The following CNTNAP3 variants were observed in gnomAD, a reference collection of about 807,000 sequenced individuals.
CNTNAP3 encodes the protein contactin-associated protein-like 3.
CNTNAP3 carries 36 observed loss-of-function variants against 92.1 expected under a neutral mutation model. That is an observed-to-expected ratio of 0.39 (90% CI 0.30 to 0.52). The LOEUF (loss-of-function observed/expected upper bound fraction) is 0.52. CNTNAP3 is among the 20% of genes least tolerant of loss of function. The pLI is 0.76. For missense variants in CNTNAP3, 534 were observed against 1,069.6 expected (o/e 0.50, Z 6.98); for synonymous variants, 232 against 422.3 (o/e 0.55, Z 5.53).
chr9:39,145,895 C>T (rs551923141), intron 10 of CNTNAP3, among the ~76,000 whole-genome samples: 2 of 142,394 alleles, frequency 1.4e-5, no homozygotes, highest in Non-Finnish European at 3.1e-5. Flanking sequence ...TGTTCCTCTT[C>T]CCCCACATCC....
chr9:39,107,159 A>G (rs1213424537), intron 15 of CNTNAP3, among the ~76,000 whole-genome samples: 5 of 152,068 alleles, frequency 3.3e-5, no homozygotes, highest in Non-Finnish European at 2.9e-5. Context: ...GTGTAGACTT[A>G]CACTACAAGT....
At chr9:39,096,264 T>G (rs1826323386) in intron 18 of CNTNAP3, among the ~76,000 whole-genome samples, 1 of 137,912 alleles carries the variant, frequency 7.3e-6, no homozygotes, top group Non-Finnish European at 1.6e-5. Flanking sequence ...TAGTGCTATT[T>G]GTTTTTTGTG....
At chr9:39,129,083 T>G (rs1444813420) in intron 13 of CNTNAP3, among the ~76,000 whole-genome samples, 1 of 152,202 alleles carries the variant, frequency 6.6e-6, no homozygotes, top group African/African-American at 2.4e-5. Context: ...ATTGAGCTAT[T>G]ATGTTTAATG....
Position 39,149,920 on chromosome 9 carries a change from C to T in CNTNAP3, c.1535G>A (p.Gly512Asp). ...ACCAATGGTGATGAGCCTTAGGCAG[C>T]CCTGAAACCCTCCCAGGGGGCTTTT... is the stretch of plus-strand genomic sequence containing the variant. ...GCKSPLGGFQ[G>D]CLRLITIGDK... Residue 512 changes from glycine to aspartate, a missense_variant, in exon 10 of 24, where the codon GGC (glycine) becomes GAC (aspartate). Physicochemically the swap from Gly to Asp is moderately conservative, Grantham distance 94. Transcript: ENST00000297668. 2 of 1,611,426 alleles carry T rather than the reference C, an allele frequency of 1.2e-6. No individual in the cohort carries two copies. Among genetic ancestry groups the T allele is most frequent in the Non-Finnish European group, 1.7e-6 (2 of 1,179,646 alleles).
At chr9:39,108,731 T>A (rs1170938912) in intron 15 of CNTNAP3, among the ~76,000 whole-genome samples, 1 of 152,104 alleles carries the variant, frequency 6.6e-6, no homozygotes, top group South Asian at 2.1e-4. Flanking sequence ...AAGAGATTAA[T>A]ACACATTCGG....
chr9:39,094,732 G>A (rs1324397585), intron 18 of CNTNAP3, among the ~76,000 whole-genome samples: 2 of 151,628 alleles, frequency 1.3e-5, no homozygotes, highest in Non-Finnish European at 3.0e-5. Context: ...GTGCCACATT[G>A]TTTTGAATAA....
intron 21 of CNTNAP3, chr9:39,085,324 A>G (rs1407993991): frequency 1.0e-5 from 2 of 193,486 alleles, no homozygotes; most frequent in Non-Finnish European, 2.1e-5. Context: ...CTGCTGTAAT[A>G]AGATTACCAG....
intron 13 of CNTNAP3, among the ~76,000 whole-genome samples, chr9:39,123,284 C>G (rs1039249442): frequency 6.6e-6 from 1 of 151,760 alleles, no homozygotes; most frequent in Non-Finnish European, 1.5e-5. Flanking sequence ...TTAGTAGAGA[C>G]GTGGTTTCCC....
intron 23 of CNTNAP3, among the ~76,000 whole-genome samples, chr9:39,076,764 C>T (rs1174349781): frequency 2.0e-5 from 3 of 152,422 alleles, no homozygotes; most frequent in African/African-American, 7.2e-5. Context: ...GTCAGGAGAT[C>T]GAGACCATTC....
chr9:39,102,760 A>C (rs1386296157), intron 16 of CNTNAP3, 45 bp from the exon 17 acceptor site: 19 of 669,602 alleles, frequency 2.8e-5, no homozygotes, highest in Non-Finnish European at 4.8e-5. Context: ...ATTCACAGAA[A>C]ATTGAGTCTT....
intron 23 of CNTNAP3, among the ~76,000 whole-genome samples, chr9:39,077,753 G>A (rs12378672): frequency 0.18 from 26,596 of 150,694 alleles, 371 homozygotes; most frequent in East Asian, 0.3. Flanking sequence ...TGTCATTACC[G>A]TGACAAATAT....
At chr9:39,140,984 G>A (rs1279419254) in intron 11 of CNTNAP3, among the ~76,000 whole-genome samples, 2 of 152,252 alleles carry the variant, frequency 1.3e-5, no homozygotes, top group Admixed American at 6.5e-5. Flanking sequence ...GTGGGAATGC[G>A]ATACTATCTT....
At position 39,066,570 on chromosome 9, in the gene CNTNAP3, T is replaced by C. The variant is rs1383555924; in HGVS notation, c.*7320A>G. ...GATAATATATTACTTTTAACTTTTCTATGTCTGAAAAATATCTTTGTTTCA... is the reference window on the plus strand; with the variant it reads ...GATAATATATTACTTTTAACTTTTCCATGTCTGAAAAATATCTTTGTTTCA... On this transcript the variant is annotated 3_prime_UTR_variant, in exon 24 of 24. Transcript: ENST00000297668. Among the ~76,000 whole-genome samples, 23 of 152,280 alleles carry C rather than the reference T, an allele frequency of 1.5e-4. No individual in the cohort carries two copies. Among genetic ancestry groups the C allele is most frequent in the Non-Finnish European group, 2.2e-4 (15 of 68,046 alleles).
intron 13 of CNTNAP3, among the ~76,000 whole-genome samples, chr9:39,129,094 T>A (rs2118026597): frequency 6.6e-6 from 1 of 152,300 alleles, no homozygotes; most frequent in African/African-American, 2.4e-5. Context: ...ATGTTTAATG[T>A]CATTCCCATA....
intron 15 of CNTNAP3, among the ~76,000 whole-genome samples, chr9:39,107,952 C>CAT (rs1455234822): frequency 6.6e-6 from 1 of 152,108 alleles, no homozygotes; most frequent in African/African-American, 2.4e-5. Context: ...TGAAGGATAA[C>CAT]ATATCTGTCA....
intron 15 of CNTNAP3, among the ~76,000 whole-genome samples, chr9:39,104,447 G>A (rs1826546103): frequency 6.9e-6 from 1 of 144,064 alleles, no homozygotes; most frequent in Non-Finnish European, 1.5e-5. Context: ...CCAGAACACA[G>A]ACTCTTGCTT....
intron 20 of CNTNAP3, 180 bp from the exon 21 acceptor site, chr9:39,086,003 A>G (rs1472757947): frequency 1.5e-6 from 1 of 682,408 alleles, no homozygotes; most frequent in Non-Finnish European, 2.5e-6. Context: ...TTTATAAGCA[A>G]TTCCTATGAT....
rs762728883 is a variant in CNTNAP3 at position 39,118,117 on chromosome 9, A to C, written c.2223T>G (p.Ala741=). Residue 741 remains alanine, a synonymous_variant, in exon 14 of 24, where the codon GCT becomes GCG. Coordinates refer to ENST00000297668, the MANE Select transcript of CNTNAP3 (RefSeq NM_033655.5). ...GTGGAAATCACCATTCATTCCGGCC[A>C]GCATCACAGTTGCAGTAATACTGAG... ...IDSQYYCNCD[A]GRNEWTSDTI... 6.2e-7 allele frequency: 1 copy of C among 1,607,448 alleles called. No homozygotes were observed. The highest frequency in any genetic ancestry group is 1.1e-5 in the South Asian group (1 of 90,574).
chr9:39,159,281 CAAAAT>C (rs1476921291), intron 9 of CNTNAP3: 2 of 148,036 alleles, frequency 1.4e-5, no homozygotes, highest in African/African-American at 4.9e-5. Context: ...ACAATCCAAA[CAAAAT>C]AAAACACAGA....
Sources: allele counts gnomAD v4.1 joint callset (sites outside exome capture counted in the v4.1 genomes callset), GRCh38; gene constraint gnomAD v4.1.1; transcripts MANE v1.5; gene names NCBI Gene and HGNC (gene_info 2026-07-23, HGNC 2026-07-21).